EEFSEC: variants seen among roughly 807,000 people sequenced by gnomAD.
The protein encoded by EEFSEC is selenocysteine-specific elongation factor.
EEFSEC carries 43 observed loss-of-function variants against 42.1 expected under a neutral mutation model. That is an observed-to-expected ratio of 1.02 (90% confidence interval 0.80 to 1.32). EEFSEC has a LOEUF of 1.32. Ranked by LOEUF, EEFSEC falls within the 40% of genes most tolerant of loss-of-function variation. The probability of loss-of-function intolerance (pLI) is 0.00; values close to 1 mark genes in which losing one functional copy is unlikely to be tolerated. For synonymous variants in EEFSEC, 354 were observed against 339.1 expected (o/e 1.04, Z -0.48); for missense variants, 745 against 803.6 (o/e 0.93, Z 0.88).
intron 1 of EEFSEC, among the ~76,000 whole-genome samples, chr3:128,242,658 T>G (rs2066084261): frequency 6.6e-6 from 1 of 152,212 alleles, no homozygotes; most frequent in Non-Finnish European, 1.5e-5. Flanking sequence ...ATGCTGACCC[T>G]TGTAAGTTTT....
At chr3:128,244,863 G>A (rs536254218) in intron 1 of EEFSEC, among the ~76,000 whole-genome samples, 2 of 152,176 alleles carry the variant, frequency 1.3e-5, no homozygotes, top group South Asian at 2.1e-4. Flanking sequence ...CACTCACTCC[G>A]CCTCGGATAT....
chr3:128,337,995 A>C (rs1202801849), intron 4 of EEFSEC, among the ~76,000 whole-genome samples: 1 of 152,196 alleles, frequency 6.6e-6, no homozygotes, highest in East Asian at 1.9e-4. Context: ...TTTCCAGCAA[A>C]GAACTGGAAA....
At chr3:128,353,491 G>A (rs750308986) in intron 5 of EEFSEC, among the ~76,000 whole-genome samples, 1 of 152,198 alleles carries the variant, frequency 6.6e-6, no homozygotes, top group Non-Finnish European at 1.5e-5. Context: ...CCTGGTGGGG[G>A]CTGGGGTCCC....
intron 1 of EEFSEC, among the ~76,000 whole-genome samples, chr3:128,220,174 G>C (rs969442430): frequency 6.6e-6 from 1 of 152,192 alleles, no homozygotes; most frequent in Non-Finnish European, 1.5e-5. Context: ...TTTATAAGTG[G>C]TGGAGCAGAG....
intron 4 of EEFSEC, among the ~76,000 whole-genome samples, chr3:128,284,320 G>A (rs913934120): frequency 6.6e-6 from 1 of 152,134 alleles, no homozygotes; most frequent in Non-Finnish European, 1.5e-5. Context: ...TTTTCTTGAC[G>A]ACTAAAGCTT....
rs945719230 is a variant in EEFSEC at position 128,234,346 on chromosome 3, C to G, written c.317-12490C>G. On this transcript the variant is annotated intron_variant, in intron 1 of 6. Coordinates refer to ENST00000254730, the MANE Select transcript of EEFSEC (RefSeq NM_021937.5). ...GGGATTACAGGCATGAGCCACCGCTCCCAGCCCATTTTTTTCATTTTTAAG... is the reference window on the plus strand; with the variant it reads ...GGGATTACAGGCATGAGCCACCGCTGCCAGCCCATTTTTTTCATTTTTAAG... Among the ~76,000 whole-genome samples the G allele has an allele frequency of 2.6e-5, 4 of 152,312 alleles. No individual in the cohort carries two copies. The South Asian group carries it at 8.3e-4, about 32-fold the overall frequency.
At chr3:128,295,205 C>T (rs543158513) in intron 4 of EEFSEC, among the ~76,000 whole-genome samples, 3 of 152,326 alleles carry the variant, frequency 2.0e-5, no homozygotes, top group East Asian at 1.9e-4. Context: ...GGCAGCAGTG[C>T]GATGTCCCCT....
chr3:128,331,643 C>T (rs924077187), intron 4 of EEFSEC, among the ~76,000 whole-genome samples: 2 of 152,022 alleles, frequency 1.3e-5, no homozygotes, highest in African/African-American at 2.4e-5. Flanking sequence ...CACTTTGCCA[C>T]CCCTAGGAGT....
intron 4 of EEFSEC, among the ~76,000 whole-genome samples, chr3:128,278,414 TGA>T (rs2066490472): frequency 6.6e-6 from 1 of 151,922 alleles, no homozygotes; most frequent in South Asian, 2.1e-4. Context: ...GAGCCGTTGG[TGA>T]GAGAGAATCC....
chr3:128,411,739 CTG>C (rs1171053962), downstream of EEFSEC, among the ~76,000 whole-genome samples: 1 of 152,240 alleles, frequency 6.6e-6, no homozygotes, highest in Non-Finnish European at 1.5e-5. Context: ...AATCGAGACT[CTG>C]ATGGAAACAG....
intron 6 of EEFSEC, among the ~76,000 whole-genome samples, chr3:128,367,301 T>C (rs981887064): frequency 6.6e-5 from 10 of 152,204 alleles, no homozygotes; most frequent in African/African-American, 2.4e-5. Flanking sequence ...TGAGCATTTG[T>C]GTATTGGCAG....
chr3:128,320,622 C>T (rs1044626508), intron 4 of EEFSEC, among the ~76,000 whole-genome samples: 2 of 152,204 alleles, frequency 1.3e-5, no homozygotes, highest in Admixed American at 6.5e-5. Flanking sequence ...AGGTTGCTTG[C>T]CATCAATTGC....
chr3:128,283,625 A>T (rs575762278), intron 4 of EEFSEC, among the ~76,000 whole-genome samples: 1 of 152,264 alleles, frequency 6.6e-6, no homozygotes, highest in South Asian at 2.1e-4. Context: ...ATTGGTATAG[A>T]CACTCAAGCA....
chr3:128,262,067 C>A, intron 2 of EEFSEC, 61 bp from the exon 3 acceptor site: 1 of 1,521,592 alleles, frequency 6.6e-7, no homozygotes, highest in Non-Finnish European at 9.1e-7. Flanking sequence ...GCTTCATGGA[C>A]GTGCTTTGTG....
chr3:128,307,447 C>T (rs1199739245), intron 4 of EEFSEC, among the ~76,000 whole-genome samples: 1 of 152,148 alleles, frequency 6.6e-6, no homozygotes, highest in South Asian at 2.1e-4. Context: ...CCCAGCGGGG[C>T]CCAGCTAGCA....
chr3:128,335,044 C>T (rs2067175329), intron 4 of EEFSEC, among the ~76,000 whole-genome samples: 1 of 152,222 alleles, frequency 6.6e-6, no homozygotes, highest in Non-Finnish European at 1.5e-5. Context: ...AGCCCCAGGA[C>T]CACCCTGTTC....
Position 128,173,631 on chromosome 3 carries a change from A to G in EEFSEC, c.316+19808A>G, listed in dbSNP as rs1431917549. Among the ~76,000 whole-genome samples, 6 of 152,330 alleles carry G rather than the reference A, an allele frequency of 3.9e-5. No individual in the cohort carries two copies. The South Asian group carries it at 1.0e-3, about 26-fold the overall frequency. On this transcript the variant is annotated intron_variant, in intron 1 of 6. Coordinates refer to ENST00000254730, the MANE Select transcript of EEFSEC (RefSeq NM_021937.5). ...AGCATTGCAGGCTGAGTAAATACCA[A>G]TAATTTTTATTTCCCTTCTCCTTAT... is the stretch of plus-strand genomic sequence containing the variant.
Position 128,275,052 on chromosome 3 carries a change from C to T in EEFSEC, c.786+10271C>T, listed in dbSNP as rs137872536. On this transcript the variant is annotated intron_variant, in intron 4 of 6. Coordinates refer to ENST00000254730, the MANE Select transcript of EEFSEC (RefSeq NM_021937.5). ...GTATGCCTGTAGGCCTCTGGGGGTG[C>T]AGTCATTTCCTCCCTCTAGCTGTGG... Among the ~76,000 whole-genome samples, 15 of 152,248 alleles carry T rather than the reference C, an allele frequency of 9.9e-5. No homozygotes were observed. The East Asian group carries it at 2.9e-3, about 29-fold the overall frequency.
At chr3:128,301,550 A>G (rs997376278) in intron 4 of EEFSEC, among the ~76,000 whole-genome samples, 11 of 152,278 alleles carry the variant, frequency 7.2e-5, no homozygotes, top group African/African-American at 2.6e-4. Flanking sequence ...CAGGATGTCA[A>G]GGGGAGGCAG....
Sources: allele counts gnomAD v4.1 joint callset (sites outside exome capture counted in the v4.1 genomes callset), GRCh38; gene constraint gnomAD v4.1.1; transcripts MANE v1.5; gene names NCBI Gene and HGNC (gene_info 2026-07-23, HGNC 2026-07-21).